Variants in MMP26 observed in about 807,000 individuals in gnomAD.
MMP26 encodes the protein matrix metalloproteinase-26.
MMP26 carries 33 observed loss-of-function variants against 31.0 expected under a neutral mutation model. The ratio of observed to expected loss-of-function variants is 1.06; its 90% CI spans 0.81 to 1.42. The LOEUF is 1.42. Ranked by LOEUF, MMP26 falls within the 40% of genes most tolerant of loss-of-function variation. The probability of loss-of-function intolerance (pLI) is 0.00; values close to 1 mark genes in which losing one functional copy is unlikely to be tolerated. For missense variants in MMP26, 347 were observed against 316.1 expected (o/e 1.10, Z -0.74); for synonymous variants, 122 against 114.9 (o/e 1.06, Z -0.40).
intron 2 of MMP26, among the ~76,000 whole-genome samples, chr11:4,784,659 G>A (rs1589899595): frequency 6.6e-6 from 1 of 152,340 alleles, no homozygotes; most frequent in East Asian, 1.9e-4. Context: ...TCTTTGGAGA[G>A]TGTGTGGGCT....
intron 2 of MMP26, among the ~76,000 whole-genome samples, chr11:4,961,637 G>A (rs1413034212): frequency 1.3e-5 from 2 of 152,184 alleles, no homozygotes; most frequent in African/African-American, 2.4e-5. Context: ...CAACCGTCCT[G>A]CAGACAGGCA....
intron 2 of MMP26, among the ~76,000 whole-genome samples, chr11:4,803,031 T>A (rs1027684887): frequency 6.6e-6 from 1 of 152,204 alleles, no homozygotes; most frequent in Non-Finnish European, 1.5e-5. Context: ...TGAAGAAATA[T>A]ATGTACTTTT....
At chr11:4,914,716 C>A (rs768453682) in intron 2 of MMP26, 1 of 1,599,994 alleles carries the variant, frequency 6.3e-7, no homozygotes, top group Non-Finnish European at 8.6e-7. Context: ...ACACTAGACA[C>A]AGTTAGTAAC....
intron 1 of MMP26, chr11:4,723,608 A>G: frequency 1.1e-6 from 1 of 937,016 alleles, no homozygotes; most frequent in South Asian, 1.3e-5. Flanking sequence ...ATGAGGACAA[A>G]TTCATTCTCC....
intron 2 of MMP26, among the ~76,000 whole-genome samples, chr11:4,778,042 G>C (rs1429857893): frequency 2.0e-5 from 3 of 152,054 alleles, no homozygotes; most frequent in African/African-American, 7.2e-5. Flanking sequence ...GTTTTCCACA[G>C]AAATCGTGTA....
chr11:4,807,355 T>A (rs1277909139), intron 2 of MMP26, among the ~76,000 whole-genome samples: 1 of 152,172 alleles, frequency 6.6e-6, no homozygotes, highest in Non-Finnish European at 1.5e-5. Context: ...TAGCAAAGAC[T>A]TGGAACCAAC....
intron 2 of MMP26, among the ~76,000 whole-genome samples, chr11:4,779,167 C>T (rs995591799): frequency 3.3e-5 from 5 of 151,966 alleles, no homozygotes; most frequent in Non-Finnish European, 7.4e-5. Flanking sequence ...TGATGTTAGG[C>T]ATCATTATCC....
intron 2 of MMP26, among the ~76,000 whole-genome samples, chr11:4,840,101 T>G (rs952432214): frequency 2.0e-5 from 3 of 151,718 alleles, no homozygotes; most frequent in African/African-American, 7.3e-5. Flanking sequence ...CTTTGAAAAG[T>G]GGAGGGAGAG....
intron 2 of MMP26, among the ~76,000 whole-genome samples, chr11:4,932,073 T>C (rs1283689824): frequency 6.6e-6 from 1 of 152,090 alleles, no homozygotes; most frequent in Non-Finnish European, 1.5e-5. Context: ...TAGCACTTAC[T>C]ACAAACAACT....
At chr11:4,879,510 G>A (rs1468390984) in intron 2 of MMP26, among the ~76,000 whole-genome samples, 1 of 152,008 alleles carries the variant, frequency 6.6e-6, no homozygotes, top group Non-Finnish European at 1.5e-5. Flanking sequence ...AAAATTTTGA[G>A]TACCATTTCT....
chr11:4,718,071 C>G (rs962442403), intron 1 of MMP26, among the ~76,000 whole-genome samples: 2 of 152,036 alleles, frequency 1.3e-5, no homozygotes, highest in Non-Finnish European at 2.9e-5. Flanking sequence ...GTATGCTTGT[C>G]CAGGGTATTA....
chr11:4,788,140 C>A (rs989477855), intron 2 of MMP26, among the ~76,000 whole-genome samples: 1 of 152,156 alleles, frequency 6.6e-6, no homozygotes, highest in Non-Finnish European at 1.5e-5. Context: ...AGGCACACAG[C>A]ACATTGGAAA....
rs192889247 is a variant in MMP26 at position 4,869,319 on chromosome 11, C to T, written c.-145+101978C>T. On this transcript the variant is annotated intron_variant, in intron 2 of 7. Transcript: ENST00000380390. ...GAGAAAATTTTTACAATCTACCCAT[C>T]TGACAAAGGGCTAATATCCAGAATC... Among the ~76,000 whole-genome samples, 784 of 152,312 alleles carry T rather than the reference C, an allele frequency of 5.1e-3. 4 individuals carry two copies. The highest frequency in any genetic ancestry group is 0.01 in the Middle Eastern group (3 of 294).
intron 2 of MMP26, among the ~76,000 whole-genome samples, chr11:4,904,508 A>G (rs554970181): frequency 6.6e-6 from 1 of 152,210 alleles, no homozygotes; most frequent in South Asian, 2.1e-4. Context: ...TCCTCTCAAC[A>G]ATCTTACTGC....
intron 2 of MMP26, among the ~76,000 whole-genome samples, chr11:4,978,723 A>G (rs1165519518): frequency 6.6e-6 from 1 of 152,300 alleles, no homozygotes; most frequent in East Asian, 1.9e-4. Context: ...CTGACACTTC[A>G]GATTAGTGTA....
chr11:4,882,550 T>C (rs1251151583), intron 2 of MMP26: 2 of 1,613,930 alleles, frequency 1.2e-6, no homozygotes, highest in East Asian at 4.5e-5. Context: ...TGTTTATTCT[T>C]TTCTCCTATG....
intron 2 of MMP26, among the ~76,000 whole-genome samples, chr11:4,862,910 C>T (rs570814672): frequency 6.6e-6 from 1 of 152,100 alleles, no homozygotes; most frequent in Non-Finnish European, 1.5e-5. Context: ...CTTTGTGATG[C>T]CTGCCTAACC....
In MMP26 at chr11:4,762,842, T is replaced by G. The variant is rs532431088; in HGVS notation, c.-216-4428T>G. Among the ~76,000 whole-genome samples, 8 of 152,292 alleles carry G rather than the reference T, an allele frequency of 5.3e-5. No individual in the cohort carries two copies. The East Asian group carries it at 1.3e-3, about 26-fold the overall frequency. ...TTGTGTGTTATATAACCAGGAAACC[T>G]GAAAACTGGTCTACTAATAACTGTA... is the stretch of plus-strand genomic sequence containing the variant. On this transcript the variant is annotated intron_variant, in intron 1 of 7. Transcript: ENST00000380390.
chr11:4,907,991 C>T, intron 2 of MMP26: 1 of 1,614,166 alleles, frequency 6.2e-7, no homozygotes, highest in Non-Finnish European at 8.5e-7. Context: ...CTGTACTATG[C>T]TGGACTTGGC....
Sources: gnomAD v4.1 joint callset for allele counts (sites outside exome capture counted in the v4.1 genomes callset) on GRCh38, gnomAD v4.1.1 for gene constraint, MANE v1.5 for transcripts, NCBI Gene and HGNC (gene_info 2026-07-23, HGNC 2026-07-21) for gene names.